The following EGFLAM variants were observed in gnomAD, a reference collection of about 807,000 sequenced individuals.
EGFLAM encodes the protein EGF like, fibronectin type III and laminin G domains, also known as pikachurin.
In EGFLAM, 79 loss-of-function variants were observed where a neutral mutation model predicts 113.1. The observed-to-expected ratio is 0.70, with a 90% CI of 0.58 to 0.84. The LOEUF is 0.84. Ranked by LOEUF, EGFLAM falls within the 40% of genes least tolerant of loss-of-function variation. The pLI is 0.00. For missense variants in EGFLAM, 1,265 were observed against 1,291.6 expected (o/e 0.98, Z 0.32); for synonymous variants, 504 against 487.6 (o/e 1.03, Z -0.44).
chr5:38,330,732 T>C lies in EGFLAM; in HGVS notation c.98-6788T>C, dbSNP rs79055091. ...GAAGCAAGAAATATTCCTAAGACTA[T>C]GGGTGAGGCTGTGCTTACTGGTTAT... is the stretch of plus-strand genomic sequence containing the variant. On this transcript the variant is annotated intron_variant, in intron 1 of 21. Coordinates refer to ENST00000322350, the MANE Select transcript of EGFLAM (RefSeq NM_152403.4). 3.2e-3 allele frequency among the ~76,000 whole-genome samples: 480 copies of C among 152,274 alleles called. 1 individual carries two copies. Among genetic ancestry groups the C allele is most frequent in the African/African-American group, 0.011 (444 of 41,558 alleles).
intron 19 of EGFLAM, chr5:38,451,712 C>CG: frequency 2.2e-6 from 1 of 453,000 alleles, no homozygotes; most frequent in South Asian, 3.8e-5. Flanking sequence ...TTGCTGGGGC[C>CG]GGGCACAGTG....
chr5:38,303,382 T>C (rs1758641621), intron 1 of EGFLAM, among the ~76,000 whole-genome samples: 1 of 152,184 alleles, frequency 6.6e-6, no homozygotes, highest in African/African-American at 2.4e-5. Context: ...AGATAAATAT[T>C]ATAAAGATGC....
At chr5:38,355,044 C>T (rs1161063612) in intron 5 of EGFLAM, among the ~76,000 whole-genome samples, 1 of 152,064 alleles carries the variant, frequency 6.6e-6, no homozygotes, top group Admixed American at 6.5e-5. Flanking sequence ...GTGTGGGGTC[C>T]CCTCAAAAGA....
chr5:38,261,118 T>C (rs1249678138), intron 1 of EGFLAM, among the ~76,000 whole-genome samples: 5 of 152,212 alleles, frequency 3.3e-5, no homozygotes, highest in African/African-American at 9.6e-5. Context: ...TGGAGAAGTC[T>C]TGGATTCAAA....
At chr5:38,337,205 G>T (rs1052862169) in intron 1 of EGFLAM, among the ~76,000 whole-genome samples, 1 of 152,112 alleles carries the variant, frequency 6.6e-6, no homozygotes, top group African/African-American at 2.4e-5. Context: ...AAAACTTTTA[G>T]AGTCAAGTCA....
At chr5:38,414,799 A>G (rs1741588876) in intron 11 of EGFLAM, among the ~76,000 whole-genome samples, 1 of 152,134 alleles carries the variant, frequency 6.6e-6, no homozygotes, top group South Asian at 2.1e-4. Context: ...TGGGAAAGAA[A>G]GATTTACTCC....
In EGFLAM at chr5:38,407,183, T is replaced by C. The variant is rs777431245; in HGVS notation, c.1147+37T>C. On this transcript the variant is annotated intron_variant, in intron 8 of 21. Transcript: ENST00000322350. The stretch of plus-strand genomic sequence containing the variant: ...GGGGAGAGGAAGAAGTGGTGATGAA[T>C]TGGCACCATTGACAGCCAGAGGGCA... 2.2e-5 allele frequency: 35 copies of C among 1,598,316 alleles called. No individual in the cohort carries two copies. In the South Asian group the frequency reaches 3.0e-4, roughly 14 times the overall value.
chr5:38,393,866 G>A lies in EGFLAM; in HGVS notation c.713-12260G>A, dbSNP rs568036166. Among the ~76,000 whole-genome samples, 72 of 152,312 alleles carry A rather than the reference G, an allele frequency of 4.7e-4. 1 individual carries two copies. Among genetic ancestry groups the A allele is most frequent in the African/African-American group, 1.7e-3 (71 of 41,584 alleles). ...TCAGGGTGGCGGCCCCGGCCCTCTC[G>A]GCACCCGGGTTCTTGTCCGGTGTCC... is the stretch of plus-strand genomic sequence containing the variant. On this transcript the variant is annotated intron_variant, in intron 6 of 21. Transcript: ENST00000322350.
At chr5:38,430,486 TA>T in intron 14 of EGFLAM, among the ~76,000 whole-genome samples, 1 of 152,158 alleles carries the variant, frequency 6.6e-6, no homozygotes. Context: ...TACTAAGCAG[TA>T]ATTAGTGTTT....
chr5:38,416,549 A>T (rs552561951), intron 11 of EGFLAM, among the ~76,000 whole-genome samples: 1 of 152,326 alleles, frequency 6.6e-6, no homozygotes, highest in South Asian at 2.1e-4. Flanking sequence ...TCTGAAATGT[A>T]AAAGCCAGGT....
At chr5:38,270,189 C>T (rs934934709) in intron 1 of EGFLAM, among the ~76,000 whole-genome samples, 1 of 152,154 alleles carries the variant, frequency 6.6e-6, no homozygotes, top group Non-Finnish European at 1.5e-5. Context: ...TGGATGACTA[C>T]AGGTCAGTTT....
rs942530535 is a variant in EGFLAM, at chr5:38,396,135, A to G, written c.713-9991A>G. ...CCCAACTACTCATATGAAAACACCA[A>G]TGATCCACATTTTTTCTGAACATAA... On this transcript the variant is annotated intron_variant, in intron 6 of 21. Transcript: ENST00000322350. Among the ~76,000 whole-genome samples the G allele has an allele frequency of 1.1e-4, 16 of 151,752 alleles. No individual in the cohort carries two copies. The East Asian group carries it at 2.3e-3, about 22-fold the overall frequency.
At chr5:38,284,163 C>T (rs1357357896) in intron 1 of EGFLAM, 2 of 152,238 alleles carry the variant, frequency 1.3e-5, no homozygotes, top group East Asian at 1.9e-4. Flanking sequence ...CTTAGTTAAT[C>T]ACTTGGCTTG....
intron 1 of EGFLAM, chr5:38,282,356 C>T (rs139403368): frequency 6.6e-6 from 1 of 152,284 alleles, no homozygotes; most frequent in East Asian, 1.9e-4. Context: ...TCTTATCAAG[C>T]AATTTACATG....
chr5:38,340,248 G>A (rs1579793817), intron 3 of EGFLAM, among the ~76,000 whole-genome samples: 1 of 152,302 alleles, frequency 6.6e-6, no homozygotes, highest in South Asian at 2.1e-4. Context: ...TACAGGTTGG[G>A]TAATGTTGGT....
intron 1 of EGFLAM, among the ~76,000 whole-genome samples, chr5:38,262,575 T>C (rs1757526693): frequency 6.6e-6 from 1 of 152,194 alleles, no homozygotes; most frequent in South Asian, 2.1e-4. Flanking sequence ...TTTTGCCTCT[T>C]CCAGAATGTC....
Position 38,316,076 on chromosome 5 carries a change from C to CAAAAAA in EGFLAM, c.98-21433_98-21428dup, listed in dbSNP as rs199596625. ...TGGGCAACAGAGCAAGACTCTGTCC[C>CAAAAAA]AAAAAAAAAAAAAAAATCCTAAGCA... is the stretch of plus-strand genomic sequence containing the variant. On this transcript the variant is annotated intron_variant, in intron 1 of 21. Transcript: ENST00000322350. 1.3e-3 allele frequency among the ~76,000 whole-genome samples: 161 copies of CAAAAAA among 125,298 alleles called. 2 individuals carry two copies. Among genetic ancestry groups the CAAAAAA allele is most frequent in the African/African-American group, 4.3e-3 (148 of 34,594 alleles). 82.2% of individuals were successfully genotyped at this position (125,298 alleles called of 152,430 possible).
chr5:38,454,260 C>T (rs1241887656), intron 19 of EGFLAM, among the ~76,000 whole-genome samples: 3 of 152,128 alleles, frequency 2.0e-5, no homozygotes, highest in Admixed American at 6.5e-5. Context: ...TGGTGGGCAC[C>T]GGGTCTGATT....
intron 1 of EGFLAM, among the ~76,000 whole-genome samples, chr5:38,259,171 C>T (rs1196460782): frequency 6.6e-6 from 1 of 152,196 alleles, no homozygotes; most frequent in Non-Finnish European, 1.5e-5. Flanking sequence ...GGATGGCAAC[C>T]ATGCAGAGGA....
Sources: gnomAD v4.1 joint callset for allele counts (sites outside exome capture counted in the v4.1 genomes callset) on GRCh38, gnomAD v4.1.1 for gene constraint, MANE v1.5 for transcripts, NCBI Gene and HGNC (gene_info 2026-07-23, HGNC 2026-07-21) for gene names.